AHRR: variants seen among roughly 807,000 people sequenced by gnomAD.
AHRR encodes the protein aryl hydrocarbon receptor repressor.
A neutral mutation model predicts 44.0 loss-of-function variants in AHRR; 28 were observed. The observed-to-expected ratio is 0.64, with a 90% CI of 0.47 to 0.87. The LOEUF (loss-of-function observed/expected upper bound fraction) is 0.87, where lower values mean the gene tolerates loss of function less well. AHRR is among the 40% of genes least tolerant of loss of function. The pLI, the probability that AHRR is intolerant of heterozygous loss-of-function variation, is 0.00. For missense variants in AHRR, 990 were observed against 953.9 expected, an observed-to-expected ratio of 1.04 and a Z score of -0.50; for synonymous variants, 434 against 407.0, an observed-to-expected ratio of 1.07 and a Z score of -0.80.
chr5:331,488 C>T (rs1029421782), intron 1 of AHRR, among the ~76,000 whole-genome samples: 1 of 152,132 alleles, frequency 6.6e-6, no homozygotes, highest in East Asian at 1.9e-4. Flanking sequence ...TTTGTTATTT[C>T]TTTTCTTCTG....
intron 2 of AHRR, among the ~76,000 whole-genome samples, chr5:351,176 A>G (rs573172732): frequency 6.6e-6 from 1 of 152,370 alleles, no homozygotes; most frequent in South Asian, 2.1e-4. Context: ...TAGCGCAGCC[A>G]CCATGGAAAG....
chr5:375,291 G>A (rs577116920), intron 3 of AHRR, among the ~76,000 whole-genome samples: 4 of 152,318 alleles, frequency 2.6e-5, no homozygotes, highest in East Asian at 3.9e-4. Flanking sequence ...AGACACGTGC[G>A]CTTTTCGATG....
intron 1 of AHRR, among the ~76,000 whole-genome samples, chr5:340,317 C>T (rs1412797343): frequency 6.6e-6 from 1 of 151,992 alleles, no homozygotes; most frequent in Non-Finnish European, 1.5e-5. Flanking sequence ...CTTGGGCTGC[C>T]ATAACAAACT....
chr5:324,010 T>TC (rs1472647947), intron 1 of AHRR, among the ~76,000 whole-genome samples: 2 of 87,020 alleles, frequency 2.3e-5, no homozygotes, highest in African/African-American at 9.8e-5. Flanking sequence ...TTTTTCTCTT[T>TC]CTTTCTTTCT....
intron 4 of AHRR, among the ~76,000 whole-genome samples, chr5:391,369 T>TGCACGGGCGCAGGGCGAGGCGGGC (rs1734425907): frequency 9.6e-6 from 1 of 104,010 alleles, no homozygotes; most frequent in Non-Finnish European, 1.8e-5. Context: ...GGCCAGAGCG[T>TGCACGGGCGCAGGGCGAGGCGGGC]GCATGGGCGC....
intron 4 of AHRR, chr5:403,639 GAAA>G: frequency 3.9e-4 from 126 of 327,170 alleles, no homozygotes; most frequent in South Asian, 4.7e-4. Flanking sequence ...CTCCGTTTCA[GAAA>G]AAAAAAAAAA....
At chr5:424,120 T>C in intron 7 of AHRR, 143 bp downstream of exon 7, 1 of 1,219,686 alleles carries the variant, frequency 8.2e-7, no homozygotes, top group Non-Finnish European at 1.1e-6. Flanking sequence ...TGCTGAGCTC[T>C]GTGTACCCTG....
chr5:344,050 GA>G (rs1579601197), intron 2 of AHRR, 86 bp downstream of exon 2: 8 of 1,415,496 alleles, frequency 5.7e-6, no homozygotes, highest in Non-Finnish European at 6.7e-6. Flanking sequence ...GGAGTTTTAG[GA>G]ACAGGGCGAG....
intron 3 of AHRR, among the ~76,000 whole-genome samples, chr5:360,504 A>G (rs1278810457): frequency 6.6e-6 from 1 of 152,228 alleles, no homozygotes; most frequent in Admixed American, 6.5e-5. Context: ...GGTGTGTGCT[A>G]GAAAGAGCCC....
chr5:344,108 C>A, intron 2 of AHRR, 144 bp downstream of exon 2: 1 of 811,300 alleles, frequency 1.2e-6, no homozygotes, highest in Non-Finnish European at 1.8e-6. Flanking sequence ...AGCTCCGGCG[C>A]GGGCGGCGCA....
At chr5:391,475 G>C (rs866464223) in intron 4 of AHRR, among the ~76,000 whole-genome samples, 866 of 73,730 alleles carry the variant, frequency 0.012, 32 homozygotes, top group African/African-American at 0.049. Context: ...CGTGCACGGG[G>C]GCAGGGCGAG....
intron 3 of AHRR, among the ~76,000 whole-genome samples, chr5:365,336 G>A (rs936890243): frequency 2.0e-5 from 3 of 151,950 alleles, no homozygotes; most frequent in Non-Finnish European, 2.9e-5. Flanking sequence ...ACTAGAAATC[G>A]ATAATAACAA....
chr5:344,851 G>T (rs533587530), intron 2 of AHRR, among the ~76,000 whole-genome samples: 3 of 104,544 alleles, frequency 2.9e-5, no homozygotes, highest in East Asian at 2.2e-4. Context: ...GTGTGTGTGG[G>T]GTGTGTGAGA....
chr5:369,871 C>T (rs186980658), intron 3 of AHRR, among the ~76,000 whole-genome samples: 1 of 152,374 alleles, frequency 6.6e-6, no homozygotes, highest in East Asian at 1.9e-4. Context: ...TCATCCAGTT[C>T]TTGAGAAGGG....
In AHRR at chr5:405,655, G is replaced by A. The variant is rs1021484208; in HGVS notation, c.352-7689G>A. On this transcript the variant is annotated intron_variant, in intron 4 of 10. Transcript: ENST00000684583. This position sits in a 1 kb window ranked among gnomAD's most constrained non-coding sequence, Gnocchi z 4.5. The stretch of plus-strand genomic sequence containing the variant: ...CAGGTCGGTGGGAGTGAGGGCCTTC[G>A]GGTCGCCGGCACCTGACCCAGCAGC... 6.6e-6 allele frequency among the ~76,000 whole-genome samples: 1 copy of A among 152,196 alleles called. No individual in the cohort carries two copies. The highest frequency in any genetic ancestry group is 1.9e-4 in the East Asian group (1 of 5,164).
rs1234765950 is a variant in AHRR at position 403,629 on chromosome 5, C to T, written c.352-9715C>T. The T allele has an allele frequency of 1.5e-5, 7 of 476,786 alleles. No homozygotes were observed. The East Asian group carries it at 2.1e-4, about 14-fold the overall frequency. 29.5% of individuals were successfully genotyped at this position (476,786 alleles called of 1,614,324 possible). A position where few individuals can be genotyped will look rare whatever the true frequency, so the allele number is the denominator to read the frequency against. On this transcript the variant is annotated intron_variant, in intron 4 of 10. Coordinates refer to ENST00000684583, the MANE Select transcript of AHRR (RefSeq NM_001377236.1). ...CTCCAGCCTAGGTGACAGAATGAGACTCCGTTTCAGAAAAAAAAAAAAAAA... is the reference window on the plus strand; with the variant it reads ...CTCCAGCCTAGGTGACAGAATGAGATTCCGTTTCAGAAAAAAAAAAAAAAA...
At chr5:361,707 G>A (rs981514256) in intron 3 of AHRR, among the ~76,000 whole-genome samples, 4 of 152,204 alleles carry the variant, frequency 2.6e-5, no homozygotes, top group Non-Finnish European at 4.4e-5. Context: ...ACTGGGTCCT[G>A]CCTTTTGCAA....
At chr5:351,885 A>T (rs1442861770) in intron 2 of AHRR, among the ~76,000 whole-genome samples, 1 of 152,258 alleles carries the variant, frequency 6.6e-6, no homozygotes, top group Non-Finnish European at 1.5e-5. Flanking sequence ...TACAGCTTGC[A>T]CGTGTCAGCT....
In AHRR at chr5:383,797, C is replaced by A. The variant is rs1198594152; in HGVS notation, c.351+7081C>A. On this transcript the variant is annotated intron_variant, in intron 4 of 10. Transcript: ENST00000684583. This position sits in a 1 kb window ranked among gnomAD's most constrained non-coding sequence, Gnocchi z 4.0. ...CAGGATAGTCTAGAACTCTTGGCCT[C>A]AAGCTGTCCTCCCACCCCCGGCCTC... Among the ~76,000 whole-genome samples, 1 of 152,166 alleles carries A rather than the reference C, an allele frequency of 6.6e-6. No homozygotes were observed. Among genetic ancestry groups the A allele is most frequent in the African/African-American group, 2.4e-5 (1 of 41,436 alleles).
Sources: allele counts gnomAD v4.1 joint callset (sites outside exome capture counted in the v4.1 genomes callset), GRCh38; gene constraint gnomAD v4.1.1; non-coding constraint Gnocchi (gnomAD v3.1); transcripts MANE v1.5; gene names NCBI Gene and HGNC (gene_info 2026-07-23, HGNC 2026-07-21).